CHRNA4: variants seen among roughly 807,000 people sequenced by gnomAD.
The protein encoded by CHRNA4 is neuronal acetylcholine receptor subunit alpha-4.
Under a neutral mutation model 48.9 loss-of-function variants are expected in CHRNA4, and 28 were observed. The ratio of observed to expected loss-of-function variants is 0.57; its 90% CI spans 0.42 to 0.79. The LOEUF (loss-of-function observed/expected upper bound fraction) is 0.79. Among genes scored for constraint, CHRNA4 ranks in the 30% least tolerant of loss-of-function variants. The pLI, the probability that CHRNA4 is intolerant of heterozygous loss-of-function variation, is 0.00. For missense variants in CHRNA4, 859 were observed against 898.4 expected (o/e 0.96, Z 0.56); for synonymous variants, 425 against 402.3 (o/e 1.06, Z -0.68).
At chr20:63,347,566 C>T (rs1303709337) in intron 5 of CHRNA4, among the ~76,000 whole-genome samples, 1 of 152,226 alleles carries the variant, frequency 6.6e-6, no homozygotes, top group Non-Finnish European at 1.5e-5. Context: ...CTAGGGAGGG[C>T]AGAGGCAGTG....
At chr20:63,355,878 G>A (rs2068708872) in intron 4 of CHRNA4, 97 bp downstream of exon 4, 2 of 1,524,802 alleles carry the variant, frequency 1.3e-6, no homozygotes, top group African/African-American at 1.4e-5. Context: ...GGGCCAGGCT[G>A]GGCCTTGGTG....
intron 2 of CHRNA4, among the ~76,000 whole-genome samples, chr20:63,357,640 G>A (rs574113458): frequency 7.1e-5 from 9 of 126,432 alleles, no homozygotes; most frequent in Non-Finnish European, 1.4e-4. Flanking sequence ...GGGGGCACAG[G>A]TGAATCCCCA....
intron 2 of CHRNA4, among the ~76,000 whole-genome samples, chr20:63,357,043 C>T (rs13042047): frequency 0.72 from 105,589 of 146,758 alleles, 39,171 homozygotes; most frequent in East Asian, 0.87. Flanking sequence ...CCCACAGGAC[C>T]ACAACCCACA....
chr20:63,345,066 G>A lies in CHRNA4; in HGVS notation c.*1672C>T, dbSNP rs201460148. 10 of 453,894 alleles carry A rather than the reference G, an allele frequency of 2.2e-5. No homozygotes were observed. The highest frequency in any genetic ancestry group is 4.0e-5 in the Non-Finnish European group (9 of 226,726). 28.1% of individuals were successfully genotyped at this position (453,894 alleles called of 1,614,324 possible). On this transcript the variant is annotated 3_prime_UTR_variant, in exon 6 of 6. Coordinates refer to ENST00000370263, the MANE Select transcript of CHRNA4 (RefSeq NM_000744.7). This position sits in a 1 kb window ranked among gnomAD's most constrained non-coding sequence, Gnocchi z 5.4. ...GCAGGTGTGGGCAATGTGGGCCTGA[G>A]TCTCCTCCCCACTCACGTCACTGCC...
chr20:63,349,502 G>A (rs2068547513), intron 5 of CHRNA4, 151 bp downstream of exon 5: 4 of 1,033,298 alleles, frequency 3.9e-6, no homozygotes, highest in East Asian at 2.5e-5. Context: ...GGCTTGGGAA[G>A]AGGCTGCTGC....
intron 2 of CHRNA4, among the ~76,000 whole-genome samples, chr20:63,357,618 C>T (rs1032717139): frequency 5.3e-5 from 8 of 151,596 alleles, no homozygotes; most frequent in Admixed American, 2.0e-4. Flanking sequence ...AACAAGTATC[C>T]GAGCCCGCAA....
At position 63,345,085 on chromosome 20, in the gene CHRNA4, C is replaced by CA; in HGVS notation, c.*1652dup. The CA allele has an allele frequency of 2.2e-6, 1 of 454,060 alleles. No homozygotes were observed. Among genetic ancestry groups the CA allele is most frequent in the Non-Finnish European group, 4.4e-6 (1 of 226,750 alleles). The allele number at this position is 454,060 out of a possible 1,614,324, so 28.1% of individuals were successfully genotyped here. A position where few individuals can be genotyped will look rare whatever the true frequency, so the allele number is the denominator to read the frequency against. On this transcript the variant is annotated 3_prime_UTR_variant, in exon 6 of 6. Transcript: ENST00000370263. This position sits in a 1 kb window ranked among gnomAD's most constrained non-coding sequence, Gnocchi z 5.4. The stretch of plus-strand genomic sequence containing the variant: ...GCCTGAGTCTCCTCCCCACTCACGT[C>CA]ACTGCCCGCGGGGACACAGCGGCAT...
intron 4 of CHRNA4, 107 bp downstream of exon 4, chr20:63,355,868 G>A: frequency 6.8e-7 from 1 of 1,472,132 alleles, no homozygotes; most frequent in Non-Finnish European, 9.3e-7. Flanking sequence ...AGGCCCCGCT[G>A]GGCCAGGCTG....
rs2068721491 is a variant in CHRNA4, at chr20:63,356,520, G to A, written c.229-105C>T. ...TGGCACAAGGACACGGCCAGGGCAA[G>A]ATATGGTGGACGGGCGACCTGTGGA... On this transcript the variant is annotated intron_variant, in intron 2 of 5. Coordinates refer to ENST00000370263, the MANE Select transcript of CHRNA4 (RefSeq NM_000744.7). The A allele has an allele frequency of 4.0e-6, 5 of 1,244,188 alleles. 1 individual carries two copies. Among genetic ancestry groups the A allele is most frequent in the South Asian group, 2.6e-5 (2 of 77,926 alleles). The allele number at this position is 1,244,188 out of a possible 1,614,324, so 77.1% of individuals were successfully genotyped here.
intron 4 of CHRNA4, chr20:63,355,369 G>A (rs542861867): frequency 1.1e-4 from 57 of 522,962 alleles, no homozygotes; most frequent in South Asian, 9.9e-4. Context: ...AGCCTGACAT[G>A]GGCTTGGCCC....
Position 63,359,909 on chromosome 20 carries a change from G to GTGTGCCGGGCGTGCGC in CHRNA4, c.77-211_77-210insGCGCACGCCCGGCACA, listed in dbSNP as rs1194154991. On this transcript the variant is annotated intron_variant, in intron 1 of 5. Transcript: ENST00000370263. ...TGCCGGGCGTGTGCTGTGTGTGTGTGTGTGTGTGTGTGTGTGTGTGCCGGG... is the reference window on the plus strand; with the variant it reads ...TGCCGGGCGTGTGCTGTGTGTGTGTGTGTGCCGGGCGTGCGCTGTGTGTGTGTGTGTGTGTGCCGGG... 178 of 482,736 alleles carry GTGTGCCGGGCGTGCGC rather than the reference G, an allele frequency of 3.7e-4. 5 individuals are homozygous for GTGTGCCGGGCGTGCGC. Among genetic ancestry groups the GTGTGCCGGGCGTGCGC allele is most frequent in the Middle Eastern group, 1.2e-3 (2 of 1,722 alleles). 29.9% of individuals were successfully genotyped at this position (482,736 alleles called of 1,614,324 possible).
At chr20:63,357,288 ACAGGACCTCATCCCCT>A (rs3838008) in intron 2 of CHRNA4, among the ~76,000 whole-genome samples, 107,877 of 151,196 alleles carry the variant, frequency 0.71, 39,800 homozygotes, top group East Asian at 0.86. Context: ...ATATCTCCCC[ACAGGACCTCATCCCCT>A]CAGGACCTCA....
intron 2 of CHRNA4, 149 bp downstream of exon 2, chr20:63,359,398 TG>T: frequency 1.0e-6 from 1 of 978,138 alleles, no homozygotes. Context: ...GGGGCAGAGC[TG>T]GTGGCTGTCG....
At position 63,350,819 on chromosome 20, in the gene CHRNA4, C is replaced by T. The variant is rs772720363; in HGVS notation, c.592G>A (p.Val198Met). The change falls in exon 5 of 6, where the codon GTG becomes ATG. Residue 198 changes from valine to methionine, a missense_variant. Transcript: ENST00000370263. ...CTCTCCCAGAAGTCCAGCTGGTCCACGCGGCTGTGCATGTTCACCAGGTCG... is the reference window on the plus strand; with the variant it reads ...CTCTCCCAGAAGTCCAGCTGGTCCATGCGGCTGTGCATGTTCACCAGGTCG... Reference protein sequence around the residue: ...KIDLVNMHSRVDQLDFWESGE... With the variant: ...KIDLVNMHSRMDQLDFWESGE... 3.1e-6 allele frequency: 5 copies of T among 1,613,968 alleles called. No homozygotes were observed. The highest frequency in any genetic ancestry group is 3.4e-6 in the Non-Finnish European group (4 of 1,180,026).
chr20:63,344,891 CG>C lies in CHRNA4; in HGVS notation c.*1846del, dbSNP rs2068465299. On this transcript the variant is annotated 3_prime_UTR_variant, in exon 6 of 6. Transcript: ENST00000370263. This position sits in a 1 kb window ranked among gnomAD's most constrained non-coding sequence, Gnocchi z 4.5. ...CTCAGCAGATGGGGTCCTGAATACA[CG>C]GGGGATGTGGGAGGGGCCAGGGGGC... The C allele has an allele frequency of 4.9e-6, 2 of 409,036 alleles. No individual in the cohort carries two copies. The highest frequency in any genetic ancestry group is 2.5e-5 in the Admixed American group (1 of 39,244). The allele number at this position is 409,036 out of a possible 1,614,324, so 25.3% of individuals were successfully genotyped here. A position where few individuals can be genotyped will look rare whatever the true frequency, so the allele number is the denominator to read the frequency against.
At chr20:63,356,744 C>T (rs927056666) in intron 2 of CHRNA4, 15 of 472,584 alleles carry the variant, frequency 3.2e-5, no homozygotes, top group East Asian at 1.6e-4. Flanking sequence ...TGCTCCCTCC[C>T]GGCCCTTGGG....
intron 1 of CHRNA4, chr20:63,360,195 A>AG (rs1447416550): frequency 2.7e-5 from 5 of 182,562 alleles, no homozygotes; most frequent in Middle Eastern, 2.3e-3. Context: ...GAGGGAGTAC[A>AG]GGGCAGCGGG....
chr20:63,347,981 G>A (rs2068522535), intron 5 of CHRNA4, among the ~76,000 whole-genome samples: 1 of 152,222 alleles, frequency 6.6e-6, no homozygotes, highest in Admixed American at 6.5e-5. Context: ...CCTCGGCTCT[G>A]GGGGCGGGGA....
chr20:63,361,153 C>A lies in CHRNA4; in HGVS notation c.13G>T (p.Gly5Cys). 1 of 1,477,876 alleles carries A rather than the reference C, an allele frequency of 6.8e-7. No individual in the cohort carries two copies. The highest frequency in any genetic ancestry group is 8.9e-7 in the Non-Finnish European group (1 of 1,120,346). 91.5% of individuals were successfully genotyped at this position (1,477,876 alleles called of 1,614,324 possible). A position where few individuals can be genotyped will look rare whatever the true frequency, so the allele number is the denominator to read the frequency against. MELG[G>C]PGAPRLLPPL... ...GGCAGCAGCCGCGGCGCTCCGGGGC[C>A]CCCTAGCTCCATGGCGCACGCACCT... The change falls in exon 1 of 6, where the codon GGC (glycine) becomes TGC (cysteine). Residue 5 changes from glycine to cysteine, a missense_variant. Transcript: ENST00000370263.
Sources: gnomAD v4.1 joint callset for allele counts (sites outside exome capture counted in the v4.1 genomes callset) on GRCh38, gnomAD v4.1.1 for gene constraint, Gnocchi (gnomAD v3.1) non-coding constraint, MANE v1.5 for transcripts, NCBI Gene and HGNC (gene_info 2026-07-23, HGNC 2026-07-21) for gene names.